The following ANKS1B variants were observed in gnomAD, a reference collection of about 807,000 sequenced individuals.
ANKS1B encodes the protein ankyrin repeat and sterile alpha motif domain containing 1B.
Under a neutral mutation model 148.3 loss-of-function variants are expected in ANKS1B, and 36 were observed. That is an observed-to-expected ratio of 0.24 (90% CI 0.19 to 0.32). The LOEUF is 0.32. Among genes scored for constraint, ANKS1B ranks in the 10% least tolerant of loss-of-function variants. The probability of loss-of-function intolerance (pLI) is 1.00; values close to 1 mark genes in which losing one functional copy is unlikely to be tolerated. For synonymous variants in ANKS1B, 542 were observed against 560.8 expected (o/e 0.97, Z 0.47); for missense variants, 1,157 against 1,542.6 (o/e 0.75, Z 4.19).
chr12:99,825,074 C>G (rs1296055833), intron 2 of ANKS1B, among the ~76,000 whole-genome samples: 1 of 152,120 alleles, frequency 6.6e-6, no homozygotes, highest in Non-Finnish European at 1.5e-5. Context: ...TCCATTCTCC[C>G]AGTGTGATAG....
intron 8 of ANKS1B, among the ~76,000 whole-genome samples, chr12:99,761,732 C>G (rs1345802133): frequency 2.0e-5 from 3 of 151,898 alleles, no homozygotes; most frequent in Non-Finnish European, 4.4e-5. Flanking sequence ...AAAAGGCATC[C>G]AAATGGAAAA....
intron 8 of ANKS1B, among the ~76,000 whole-genome samples, chr12:99,682,005 A>G (rs1386618976): frequency 6.6e-6 from 1 of 152,250 alleles, no homozygotes; most frequent in Non-Finnish European, 1.5e-5. Flanking sequence ...AAGCAACAAA[A>G]GTTTTAAAAA....
At chr12:98,890,489 G>A (rs2099750164) in intron 17 of ANKS1B, among the ~76,000 whole-genome samples, 1 of 152,134 alleles carries the variant, frequency 6.6e-6, no homozygotes, top group Non-Finnish European at 1.5e-5. Flanking sequence ...GAATCATGAA[G>A]ATAAAGAGAA....
chr12:99,604,826 A>T (rs1053256448), intron 9 of ANKS1B, among the ~76,000 whole-genome samples: 4 of 151,452 alleles, frequency 2.6e-5, no homozygotes, highest in African/African-American at 7.2e-5. Context: ...AAAAAAAAAA[A>T]AAAAAAGAAA....
intron 11 of ANKS1B, among the ~76,000 whole-genome samples, chr12:99,433,824 T>C (rs1488982031): frequency 6.6e-6 from 1 of 152,142 alleles, no homozygotes; most frequent in Non-Finnish European, 1.5e-5. Context: ...GGTCTGAGGA[T>C]GATCCTTGGG....
chr12:99,322,425 A>T (rs1421689822), intron 12 of ANKS1B, among the ~76,000 whole-genome samples: 1 of 151,302 alleles, frequency 6.6e-6, no homozygotes, highest in Non-Finnish European at 1.5e-5. Flanking sequence ...TGACACACGT[A>T]TACTCATGTA....
At chr12:99,102,560 A>G (rs1325984166) in intron 15 of ANKS1B, among the ~76,000 whole-genome samples, 19 of 152,114 alleles carry the variant, frequency 1.2e-4, no homozygotes, top group Admixed American at 1.2e-3. Flanking sequence ...CCTAGGCAAC[A>G]TAGGAAAACC....
At chr12:98,800,029 G>A (rs986121799) in intron 21 of ANKS1B, among the ~76,000 whole-genome samples, 2 of 152,060 alleles carry the variant, frequency 1.3e-5, no homozygotes, top group Admixed American at 1.3e-4. Flanking sequence ...TGAAGAAGAC[G>A]TGAGAGGGCA....
At chr12:98,873,090 C>G (rs1175910634) in intron 17 of ANKS1B, among the ~76,000 whole-genome samples, 1 of 152,178 alleles carries the variant, frequency 6.6e-6, no homozygotes, top group Admixed American at 6.5e-5. Flanking sequence ...TCTTCTAGAC[C>G]TACAGTTGGG....
At chr12:99,190,529 A>C (rs1464529634) in intron 14 of ANKS1B, among the ~76,000 whole-genome samples, 1 of 152,200 alleles carries the variant, frequency 6.6e-6, no homozygotes, top group Non-Finnish European at 1.5e-5. Flanking sequence ...AGTCCTCAGA[A>C]ATCATACCAC....
intron 17 of ANKS1B, among the ~76,000 whole-genome samples, chr12:98,979,769 G>T (rs1467916276): frequency 6.6e-6 from 1 of 151,942 alleles, no homozygotes; most frequent in Non-Finnish European, 1.5e-5. Flanking sequence ...CTTGCTTGAG[G>T]TTTGTTGAAT....
In ANKS1B at chr12:99,428,601, T is replaced by C. The variant is rs146954181; in HGVS notation, c.1575+15072A>G. On this transcript the variant is annotated intron_variant, in intron 11 of 26. Transcript: ENST00000683438. ...GTTGAGATGGATGGACACAGAAATA[T>C]AGATGTTCCTGTGCATGTGTATATT... Among the ~76,000 whole-genome samples, 415 of 152,340 alleles carry C rather than the reference T, an allele frequency of 2.7e-3. 12 individuals are homozygous for C. In the South Asian group the frequency reaches 0.038, roughly 14 times the overall value.
intron 9 of ANKS1B, among the ~76,000 whole-genome samples, chr12:99,588,381 T>G (rs1177506320): frequency 1.3e-5 from 2 of 151,904 alleles, no homozygotes; most frequent in African/African-American, 4.8e-5. Context: ...TAAAAGTCTG[T>G]TAGAAATTTG....
intron 17 of ANKS1B, among the ~76,000 whole-genome samples, chr12:98,840,676 A>G (rs1188441670): frequency 2.0e-5 from 3 of 152,178 alleles, no homozygotes; most frequent in African/African-American, 7.2e-5. Flanking sequence ...TCTTAGGTTT[A>G]TTTGTAAAGC....
In ANKS1B at chr12:99,246,625, G is replaced by T; in HGVS notation, c.1996C>A (p.Pro666Thr). 6.2e-7 allele frequency: 1 copy of T among 1,613,608 alleles called. No homozygotes were observed. The highest frequency in any genetic ancestry group is 8.5e-7 in the Non-Finnish European group (1 of 1,179,744). Reference sequence around the variant, plus strand: ...AAAATTGTTCTACTGACCACTTTGGGTTTAATTTTCTTTACCAAAGGTTCT... The same window carrying T: ...AAAATTGTTCTACTGACCACTTTGGTTTTAATTTTCTTTACCAAAGGTTCT... ...NSEPLVKKIK[P>T]KVVSRTIFHK... Residue 666 changes from proline to threonine, a missense_variant, in exon 13 of 27, where the codon CCC becomes ACC. This residue lies in a region of ANKS1B where 661 missense variants were observed against 642.1 expected (regional missense o/e 1.03). Transcript: ENST00000683438.
At chr12:99,350,397 C>A (rs1203301100) in intron 12 of ANKS1B, among the ~76,000 whole-genome samples, 4 of 151,802 alleles carry the variant, frequency 2.6e-5, no homozygotes, top group Non-Finnish European at 5.9e-5. Context: ...CACAAGGAAA[C>A]AATGCATTAT....
intron 9 of ANKS1B, among the ~76,000 whole-genome samples, chr12:99,523,788 G>T (rs768601236): frequency 1.3e-5 from 2 of 151,766 alleles, no homozygotes; most frequent in Non-Finnish European, 2.9e-5. Flanking sequence ...TCCTAACCTT[G>T]TGATCCACCT....
intron 17 of ANKS1B, among the ~76,000 whole-genome samples, chr12:98,951,058 A>G (rs933264758): frequency 2.0e-5 from 3 of 152,190 alleles, no homozygotes; most frequent in Non-Finnish European, 2.9e-5. Flanking sequence ...TACATGCAGA[A>G]TTTCACATAT....
At chr12:99,716,412 G>A (rs1027925941) in intron 8 of ANKS1B, among the ~76,000 whole-genome samples, 2 of 151,562 alleles carry the variant, frequency 1.3e-5, no homozygotes, top group Admixed American at 1.3e-4. Context: ...TTTTCTCTGG[G>A]CTTGCCTCCT....
Sources: allele counts gnomAD v4.1 joint callset (sites outside exome capture counted in the v4.1 genomes callset), GRCh38; gene constraint gnomAD v4.1.1; regional missense constraint gnomAD v4.1.1; transcripts MANE v1.5; gene names NCBI Gene and HGNC (gene_info 2026-07-23, HGNC 2026-07-21).